ADARB1: variants seen among roughly 807,000 people sequenced by gnomAD.
ADARB1 encodes adenosine deaminase RNA specific B1, also known as double-stranded RNA-specific editase 1.
Under a neutral mutation model 52.4 loss-of-function variants are expected in ADARB1, and 10 were observed. That is an observed-to-expected ratio of 0.19 (90% confidence interval 0.12 to 0.32). The LOEUF is 0.32. ADARB1 is among the 10% of genes least tolerant of loss of function. The pLI, the probability that ADARB1 is intolerant of heterozygous loss-of-function variation, is 1.00. For missense variants in ADARB1, 643 were observed against 922.3 expected (o/e 0.70, Z 3.92); for synonymous variants, 349 against 371.1 (o/e 0.94, Z 0.68).
In ADARB1 at chr21:45,204,880, G is replaced by GT. The variant is rs767279961; in HGVS notation, c.1747+147dup. On this transcript the variant is annotated intron_variant, in intron 9 of 10. Coordinates refer to ENST00000348831, the MANE Select transcript of ADARB1 (RefSeq NM_001112.4). The surrounding 1 kb of genome is among the most constrained non-coding windows in gnomAD (Gnocchi z 4.4). ...TCCTTCTAAAGAGACCCAAGGTGAT[G>GT]TTTCTGAGGCTCTCCGGGCCTTGTC... 18 of 878,820 alleles carry GT rather than the reference G, an allele frequency of 2.0e-5. 1 individual carries two copies. Among genetic ancestry groups the GT allele is most frequent in the East Asian group, 1.3e-4 (5 of 37,216 alleles). The allele number at this position is 878,820 out of a possible 1,614,324, so 54.4% of individuals were successfully genotyped here.
intron 1 of ADARB1, among the ~76,000 whole-genome samples, chr21:45,092,890 T>A (rs71324409): frequency 8.5e-6 from 1 of 118,018 alleles, no homozygotes; most frequent in South Asian, 3.5e-4. Flanking sequence ...CACATTTTTG[T>A]ACCTTTAATT....
In ADARB1 at chr21:45,139,933, C is replaced by CTTT. The variant is rs200847132; in HGVS notation, c.-48+11385_-48+11387dup. The stretch of plus-strand genomic sequence containing the variant: ...GGTAAAATGTACAGACAATAAAACT[C>CTTT]TTTTTTTTTTTTTTTTTTTTTTTTT... On this transcript the variant is annotated intron_variant, in intron 2 of 10. Transcript: ENST00000348831. Among the ~76,000 whole-genome samples, 74 of 84,964 alleles carry CTTT rather than the reference C, an allele frequency of 8.7e-4. 12 individuals carry two copies. Among genetic ancestry groups the CTTT allele is most frequent in the African/African-American group, 1.2e-3 (27 of 21,792 alleles). The allele number at this position is 84,964 out of a possible 152,430, so 55.7% of individuals were successfully genotyped here.
chr21:45,108,521 C>G (rs1186837739), intron 1 of ADARB1, among the ~76,000 whole-genome samples: 1 of 152,098 alleles, frequency 6.6e-6, no homozygotes, highest in Non-Finnish European at 1.5e-5. Flanking sequence ...CCTAGATTTC[C>G]TAGGAAGCAG....
rs1034521167 is a variant in ADARB1 at position 45,208,018 on chromosome 21, A to G, written c.1747+3282A>G. Among the ~76,000 whole-genome samples the G allele has an allele frequency of 2.0e-5, 3 of 152,210 alleles. No homozygotes were observed. Among genetic ancestry groups the G allele is most frequent in the African/African-American group, 7.2e-5 (3 of 41,460 alleles). Reference sequence around the variant, plus strand: ...CTGTGACACTTTTGCCTTTGTGGGTATACACACTTGGTACCCTTGCTTAGC... The same window carrying G: ...CTGTGACACTTTTGCCTTTGTGGGTGTACACACTTGGTACCCTTGCTTAGC... On this transcript the variant is annotated intron_variant, in intron 9 of 10. Coordinates refer to ENST00000348831, the MANE Select transcript of ADARB1 (RefSeq NM_001112.4). This position sits in a 1 kb window ranked among gnomAD's most constrained non-coding sequence, Gnocchi z 5.6.
Position 45,204,567 on chromosome 21 carries a change from G to A in ADARB1, c.1578G>A (p.Val526=), listed in dbSNP as rs201987444. The change falls in exon 9 of 11, where the codon GTG becomes GTA. Residue 526 remains valine (V), a synonymous_variant. Transcript: ENST00000348831. The surrounding 1 kb of genome is among the most constrained non-coding windows in gnomAD (Gnocchi z 4.4). The stretch of plus-strand genomic sequence containing the variant: ...CTTCTCCCTCCAGCTGGAACGTGGT[G>A]GGCATCCAGGGATCCCTGCTCAGCA... The part of the protein sequence containing the change: ...CSDKIARWNV[V]GIQGSLLSIF... 216 of 1,613,890 alleles carry A rather than the reference G, an allele frequency of 1.3e-4. No homozygotes were observed. Among genetic ancestry groups the A allele is most frequent in the Non-Finnish European group, 1.7e-4 (197 of 1,179,968 alleles).
intron 8 of ADARB1, among the ~76,000 whole-genome samples, chr21:45,187,498 ATTTC>A (rs2146238905): frequency 6.6e-6 from 1 of 152,236 alleles, no homozygotes. Flanking sequence ...GATGCCCTTT[ATTTC>A]TTTTTCATGC....
chr21:45,138,672 CT>C (rs2089527509), intron 2 of ADARB1, among the ~76,000 whole-genome samples: 1 of 152,154 alleles, frequency 6.6e-6, no homozygotes, highest in Non-Finnish European at 1.5e-5. Flanking sequence ...GAAAATGAGC[CT>C]TTCATTTTTG....
rs189654472 is a variant in ADARB1 at position 45,200,405 on chromosome 21, A to C, written c.1566-4150A>C. On this transcript the variant is annotated intron_variant, in intron 8 of 10. Coordinates refer to ENST00000348831, the MANE Select transcript of ADARB1 (RefSeq NM_001112.4). The surrounding 1 kb of genome is among the most constrained non-coding windows in gnomAD (Gnocchi z 5.0). Reference sequence around the variant, plus strand: ...GGCGCGGGAGCCGTGGGAAGGAACGAGAGTCTTGGTTCAGATGACCTCGGC... The same window carrying C: ...GGCGCGGGAGCCGTGGGAAGGAACGCGAGTCTTGGTTCAGATGACCTCGGC... Among the ~76,000 whole-genome samples, 53 of 152,284 alleles carry C rather than the reference A, an allele frequency of 3.5e-4. No homozygotes were observed. The highest frequency in any genetic ancestry group is 3.4e-3 in the Middle Eastern group (1 of 294).
chr21:45,176,084 A>G lies in ADARB1; in HGVS notation c.383A>G (p.Lys128Arg). Residue 128 changes from lysine to arginine, a missense_variant, in exon 4 of 11, where the codon AAA becomes AGA. Physicochemically the swap from Lys to Arg is conservative, Grantham distance 26 (BLOSUM62 2). Transcript: ENST00000348831. The surrounding 1 kb of genome is among the most constrained non-coding windows in gnomAD (Gnocchi z 5.8). ...TTTGAGGGCTCTGGTCCCACAAAGA[A>G]AAAGGCAAAACTCCATGCTGCTGAG... ...QVFEGSGPTK[K>R]KAKLHAAEKA... The G allele has an allele frequency of 6.2e-7, 1 of 1,613,958 alleles. No homozygotes were observed. The highest frequency in any genetic ancestry group is 1.7e-5 in the Admixed American group (1 of 59,958).
chr21:45,162,487 G>C (rs890891308), intron 2 of ADARB1, among the ~76,000 whole-genome samples: 1 of 152,328 alleles, frequency 6.6e-6, no homozygotes, highest in Admixed American at 6.5e-5. Flanking sequence ...TGTGTGGGCA[G>C]AATGAGCCCA....
intron 1 of ADARB1, among the ~76,000 whole-genome samples, chr21:45,102,709 T>A (rs79600904): frequency 0.067 from 10,191 of 152,224 alleles, 400 homozygotes; most frequent in East Asian, 0.15. Flanking sequence ...TAAATAAATA[T>A]CCATGAGTCC....
chr21:45,130,904 T>C (rs1297933047), intron 2 of ADARB1, among the ~76,000 whole-genome samples: 1 of 152,216 alleles, frequency 6.6e-6, no homozygotes, highest in East Asian at 1.9e-4. Context: ...GTAATTCCCC[T>C]GCGCAAGAGG....
At chr21:45,079,934 C>T (rs7275205) in intron 1 of ADARB1, among the ~76,000 whole-genome samples, 1 of 151,990 alleles carries the variant, frequency 6.6e-6, no homozygotes, top group African/African-American at 2.4e-5. Flanking sequence ...TTTTGGCAAG[C>T]GGTCCACATT....
At chr21:45,153,738 G>A (rs949248467) in intron 2 of ADARB1, among the ~76,000 whole-genome samples, 3 of 152,188 alleles carry the variant, frequency 2.0e-5, no homozygotes, top group Non-Finnish European at 2.9e-5. Context: ...TCTGTGCACC[G>A]TGCTGCCAGG....
chr21:45,104,706 A>G (rs1012009070), intron 1 of ADARB1, among the ~76,000 whole-genome samples: 4 of 152,336 alleles, frequency 2.6e-5, no homozygotes, highest in Non-Finnish European at 5.9e-5. Context: ...AGCAGTGGCA[A>G]GCGTGCCCTC....
At chr21:45,146,572 G>T (rs1569067626) in intron 2 of ADARB1, among the ~76,000 whole-genome samples, 1 of 152,160 alleles carries the variant, frequency 6.6e-6, no homozygotes, top group Non-Finnish European at 1.5e-5. Flanking sequence ...GTGGATGTGG[G>T]GGTAAACTAG....
intron 8 of ADARB1, among the ~76,000 whole-genome samples, chr21:45,202,619 C>T (rs185683648): frequency 7.0e-4 from 106 of 152,300 alleles, no homozygotes; most frequent in African/African-American, 1.1e-3. Flanking sequence ...CTGCCACATC[C>T]GCAGATCTAA....
At chr21:45,087,383 G>C (rs1325447588) in intron 1 of ADARB1, among the ~76,000 whole-genome samples, 3 of 152,334 alleles carry the variant, frequency 2.0e-5, no homozygotes. Context: ...ACGTGGATGT[G>C]AATGAGGCAA....
intron 1 of ADARB1, among the ~76,000 whole-genome samples, chr21:45,118,117 G>T (rs2087932673): frequency 6.6e-6 from 1 of 152,172 alleles, no homozygotes; most frequent in African/African-American, 2.4e-5. Flanking sequence ...AGTATATTTT[G>T]CCATAGAACC....
Sources: allele counts gnomAD v4.1 joint callset (sites outside exome capture counted in the v4.1 genomes callset), GRCh38; gene constraint gnomAD v4.1.1; non-coding constraint Gnocchi (gnomAD v3.1); transcripts MANE v1.5; gene names NCBI Gene and HGNC (gene_info 2026-07-23, HGNC 2026-07-21).